The following RAPGEF5 variants were observed in gnomAD, a reference collection of about 807,000 sequenced individuals.
RAPGEF5 encodes the protein M-Ras-regulated GEF.
Under a neutral mutation model 125.2 loss-of-function variants are expected in RAPGEF5, and 65 were observed. The ratio of observed to expected loss-of-function variants is 0.52; its 90% CI spans 0.43 to 0.64. The LOEUF is 0.64. Ranked by LOEUF, RAPGEF5 falls within the 30% of genes least tolerant of loss-of-function variation. The pLI is 0.00. For synonymous variants in RAPGEF5, 391 were observed against 385.9 expected (o/e 1.01, Z -0.16); for missense variants, 958 against 1,048.1 (o/e 0.91, Z 1.19).
chr7:22,258,555 C>G (rs1583524749), intron 7 of RAPGEF5, among the ~76,000 whole-genome samples: 1 of 136,428 alleles, frequency 7.3e-6, no homozygotes, highest in East Asian at 2.2e-4. Context: ...ACCGGGGAGG[C>G]AGAGGTTGTG....
intron 5 of RAPGEF5, among the ~76,000 whole-genome samples, chr7:22,291,752 T>A (rs1019748373): frequency 1.3e-5 from 2 of 152,248 alleles, no homozygotes; most frequent in African/African-American, 4.8e-5. Flanking sequence ...AAGTTTTGTA[T>A]GGCTTTGTAT....
chr7:22,272,941 G>A (rs1038855384), intron 6 of RAPGEF5, among the ~76,000 whole-genome samples: 1 of 151,034 alleles, frequency 6.6e-6, no homozygotes, highest in African/African-American at 2.4e-5. Flanking sequence ...GTATGTTTTT[G>A]TACAGATGGG....
chr7:22,344,920 G>A (rs1391959933), intron 1 of RAPGEF5, among the ~76,000 whole-genome samples: 2 of 152,248 alleles, frequency 1.3e-5, no homozygotes, highest in African/African-American at 4.8e-5. Flanking sequence ...CCTAAGCAAT[G>A]TTCTGATGAT....
At chr7:22,177,693 T>C (rs761961083) in intron 11 of RAPGEF5, among the ~76,000 whole-genome samples, 14 of 152,216 alleles carry the variant, frequency 9.2e-5, no homozygotes, top group Non-Finnish European at 1.8e-4. Flanking sequence ...AGGTTGCACA[T>C]TATCTTTTTT....
intron 9 of RAPGEF5, among the ~76,000 whole-genome samples, chr7:22,211,226 C>A (rs1785500806): frequency 6.6e-6 from 1 of 152,184 alleles, no homozygotes; most frequent in African/African-American, 2.4e-5. Flanking sequence ...ACATGGACAT[C>A]TTTTATAAAT....
At chr7:22,333,708 C>T (rs1157213748) in intron 1 of RAPGEF5, among the ~76,000 whole-genome samples, 1 of 152,242 alleles carries the variant, frequency 6.6e-6, no homozygotes, top group East Asian at 1.9e-4. Context: ...GATTTGCGCG[C>T]AGGCACACAC....
chr7:22,301,769 G>A (rs1438953544), intron 5 of RAPGEF5, among the ~76,000 whole-genome samples: 1 of 152,184 alleles, frequency 6.6e-6, no homozygotes, highest in East Asian at 1.9e-4. Context: ...GGGAAGAGCT[G>A]AATATTCCAC....
At chr7:22,166,145 T>C (rs1011559747) in intron 12 of RAPGEF5, among the ~76,000 whole-genome samples, 12 of 150,044 alleles carry the variant, frequency 8.0e-5, no homozygotes, top group Admixed American at 6.0e-4. Flanking sequence ...CCAGCTGCTC[T>C]TGAACTCCTG....
intron 7 of RAPGEF5, among the ~76,000 whole-genome samples, chr7:22,243,136 C>A (rs995040889): frequency 6.6e-6 from 1 of 152,094 alleles, no homozygotes; most frequent in African/African-American, 2.4e-5. Flanking sequence ...CTCTATATTA[C>A]CATTTTTGAA....
intron 7 of RAPGEF5, among the ~76,000 whole-genome samples, chr7:22,233,888 C>T (rs555063016): frequency 6.7e-4 from 102 of 152,270 alleles, no homozygotes; most frequent in African/African-American, 2.3e-3. Context: ...CCTAGCATTA[C>T]GCCAAAACTA....
chr7:22,144,321 A>G, intron 20 of RAPGEF5, among the ~76,000 whole-genome samples: 1 of 152,238 alleles, frequency 6.6e-6, no homozygotes, highest in East Asian at 1.9e-4. Flanking sequence ...AAATATAATA[A>G]GTTTTCGGAA....
chr7:22,195,347 G>A (rs915822163), intron 9 of RAPGEF5, among the ~76,000 whole-genome samples: 5 of 152,016 alleles, frequency 3.3e-5, no homozygotes, highest in Admixed American at 6.6e-5. Context: ...TTTACCTCCT[G>A]GTATTCTGAT....
intron 25 of RAPGEF5, among the ~76,000 whole-genome samples, chr7:22,124,036 AAAT>A (rs1782662145): frequency 6.6e-6 from 1 of 152,232 alleles, no homozygotes; most frequent in African/African-American, 2.4e-5. Context: ...TACTGTATAT[AAAT>A]ATTAGAACAT....
At chr7:22,353,459 G>C (rs564331835) in intron 1 of RAPGEF5, among the ~76,000 whole-genome samples, 2 of 152,154 alleles carry the variant, frequency 1.3e-5, no homozygotes, top group Non-Finnish European at 2.9e-5. Context: ...TGAAAAATTT[G>C]TGAGTAAGAC....
intron 21 of RAPGEF5, 48 bp downstream of exon 21, chr7:22,139,973 ATTAC>A: frequency 1.4e-6 from 2 of 1,435,066 alleles, no homozygotes; most frequent in Middle Eastern, 1.7e-4. Flanking sequence ...ATCCATGTAA[ATTAC>A]TTTATTTCCA....
At position 22,131,040 on chromosome 7, in the gene RAPGEF5, CT is replaced by C. The variant is rs1373472638; in HGVS notation, c.2477del (p.Lys826SerfsTer4). On this transcript the variant is annotated frameshift_variant, in exon 24 of 26. Coordinates refer to ENST00000665637, the MANE Select transcript of RAPGEF5 (RefSeq NM_012294.5). LOFTEE classifies it high-confidence loss of function. Reference protein sequence around the residue: ...TFLDNLVNFEKLHMIADTVRT... With the variant: ...TFLDNLVNFEXLHMIADTVRT... ...AGAAGTAATGAAATTTACGTACCAG[CT>C]TTTCAAAATTGACAAGATTATCCAA... 6.5e-7 allele frequency: 1 copy of C among 1,541,060 alleles called. No individual in the cohort carries two copies. The highest frequency in any genetic ancestry group is 2.0e-5 in the Admixed American group (1 of 49,530).
intron 7 of RAPGEF5, among the ~76,000 whole-genome samples, chr7:22,250,594 G>T (rs527849397): frequency 3.7e-4 from 56 of 152,214 alleles, no homozygotes; most frequent in African/African-American, 1.3e-3. Flanking sequence ...GGGTCATACG[G>T]CCAGGACAAA....
chr7:22,144,646 G>T lies in RAPGEF5; in HGVS notation c.2186+398C>A, dbSNP rs1440059405. Among the ~76,000 whole-genome samples the T allele has an allele frequency of 7.2e-5, 11 of 152,204 alleles. No individual in the cohort carries two copies. In the South Asian group the frequency reaches 1.2e-3, roughly 17 times the overall value. On this transcript the variant is annotated intron_variant, in intron 20 of 25. Transcript: ENST00000665637. ...CGAGTTCGCAAAAGTTCATACGGTG[G>T]GCCTCAAGGAGCAATGAGCAGGTCC...
rs1227614501 is a variant in RAPGEF5 at position 22,260,977 on chromosome 7, G to C, written c.796+5987C>G. On this transcript the variant is annotated intron_variant, in intron 7 of 25. Coordinates refer to ENST00000665637, the MANE Select transcript of RAPGEF5 (RefSeq NM_012294.5). ...CATATATAATGGAGTAAGCATTATA[G>C]ATCAGTGAGCAAAGAATTCAATGAA... Among the ~76,000 whole-genome samples the C allele has an allele frequency of 6.5e-4, 99 of 152,112 alleles. 2 individuals are homozygous for C. The highest frequency in any genetic ancestry group is 6.5e-3 in the Admixed American group (99 of 15,280).
Sources: gnomAD v4.1 joint callset for allele counts (sites outside exome capture counted in the v4.1 genomes callset) on GRCh38, gnomAD v4.1.1 for gene constraint, MANE v1.5 for transcripts, NCBI Gene and HGNC (gene_info 2026-07-23, HGNC 2026-07-21) for gene names.